The following PTPRD variants were observed in gnomAD, a reference collection of about 807,000 sequenced individuals.
The protein encoded by PTPRD is receptor-type tyrosine-protein phosphatase delta.
In PTPRD, 34 loss-of-function variants were observed where a neutral mutation model predicts 214.5. That is an observed-to-expected ratio of 0.16 (90% CI 0.12 to 0.21). The LOEUF is 0.21. Ranked by LOEUF, PTPRD falls within the 10% of genes least tolerant of loss-of-function variation. PTPRD has a pLI of 1.00. For missense variants in PTPRD, 2,545 were observed against 2,398.7 expected (o/e 1.06, Z -1.27); for synonymous variants, 1,128 against 845.7 (o/e 1.33, Z -5.79).
At chr9:9,786,130 T>G (rs2154493044) in intron 5 of PTPRD, among the ~76,000 whole-genome samples, 1 of 152,294 alleles carries the variant, frequency 6.6e-6, no homozygotes, top group African/African-American at 2.4e-5. Flanking sequence ...CCTAAAAATT[T>G]TTCATGTCTA....
chr9:9,882,297 C>T (rs2069006044), intron 5 of PTPRD, among the ~76,000 whole-genome samples: 1 of 152,030 alleles, frequency 6.6e-6, no homozygotes, highest in African/African-American at 2.4e-5. Flanking sequence ...TCACTAAGCA[C>T]TGAGTTGAAA....
chr9:9,209,673 T>G (rs912567251), intron 9 of PTPRD, among the ~76,000 whole-genome samples: 1 of 152,158 alleles, frequency 6.6e-6, no homozygotes, highest in Non-Finnish European at 1.5e-5. Context: ...GTTCATGAGT[T>G]GATTATTGTT....
chr9:10,165,231 A>G (rs2099152011), intron 3 of PTPRD, among the ~76,000 whole-genome samples: 1 of 151,710 alleles, frequency 6.6e-6, no homozygotes, highest in Non-Finnish European at 1.5e-5. Context: ...CTTGGAAGTA[A>G]CATCAAGTTA....
chr9:9,463,095 A>G (rs529504866), intron 8 of PTPRD, among the ~76,000 whole-genome samples: 1 of 151,474 alleles, frequency 6.6e-6, no homozygotes, highest in South Asian at 2.1e-4. Context: ...AAATAGGAAC[A>G]AAAGCCTTTG....
chr9:10,104,692 T>C (rs2098606179), intron 3 of PTPRD, among the ~76,000 whole-genome samples: 1 of 151,896 alleles, frequency 6.6e-6, no homozygotes, highest in African/African-American at 2.4e-5. Flanking sequence ...ACCAGCTTAA[T>C]TTGTGGATTT....
intron 14 of PTPRD, among the ~76,000 whole-genome samples, chr9:8,602,572 T>G (rs893819626): frequency 6.6e-6 from 1 of 152,214 alleles, no homozygotes; most frequent in Non-Finnish European, 1.5e-5. Context: ...GCAGCAGGAA[T>G]CAGCATGTTT....
At chr9:9,580,751 G>C (rs111721875) in intron 7 of PTPRD, among the ~76,000 whole-genome samples, 16 of 151,704 alleles carry the variant, frequency 1.1e-4, no homozygotes, top group Non-Finnish European at 2.1e-4. Flanking sequence ...CTTTCAGCAC[G>C]TTGGCCAGGG....
chr9:10,327,759 T>C lies in PTPRD; in HGVS notation c.-545+13204A>G, dbSNP rs142083335. 4.0e-3 allele frequency among the ~76,000 whole-genome samples: 611 copies of C among 151,846 alleles called. 5 individuals are homozygous for C. The highest frequency in any genetic ancestry group is 0.034 in the Middle Eastern group (10 of 294). On this transcript the variant is annotated intron_variant, in intron 3 of 45. Transcript: ENST00000381196. The stretch of plus-strand genomic sequence containing the variant: ...GAAAGTACAAAAAAGTGAATACTCA[T>C]TTTCCAGTCATTTACATCAGGACAA...
At chr9:10,272,174 G>A (rs991949076) in intron 3 of PTPRD, among the ~76,000 whole-genome samples, 1 of 151,920 alleles carries the variant, frequency 6.6e-6, no homozygotes, top group East Asian at 1.9e-4. Context: ...GGCCTATTTT[G>A]GATATTTCAC....
chr9:9,706,429 G>A lies in PTPRD; in HGVS notation c.-287+28104C>T, dbSNP rs76405974. 9.7e-3 allele frequency among the ~76,000 whole-genome samples: 1,466 copies of A among 151,062 alleles called. 23 individuals carry two copies. The highest frequency in any genetic ancestry group is 0.033 in the African/African-American group (1,378 of 41,224). On this transcript the variant is annotated intron_variant, in intron 7 of 45. Coordinates refer to ENST00000381196, the MANE Select transcript of PTPRD (RefSeq NM_002839.4). ...TTACAATATGTCATTGCACATCACC[G>A]TACTTTTGCTAACTCTTTTTTTTTT...
At chr9:9,582,410 G>C (rs146982834) in intron 7 of PTPRD, among the ~76,000 whole-genome samples, 13 of 152,134 alleles carry the variant, frequency 8.5e-5, no homozygotes, top group African/African-American at 3.1e-4. Flanking sequence ...CAACCTCTTT[G>C]TTTATCAGAC....
At chr9:8,825,631 C>A (rs902358929) in intron 11 of PTPRD, among the ~76,000 whole-genome samples, 1 of 152,052 alleles carries the variant, frequency 6.6e-6, no homozygotes, top group Non-Finnish European at 1.5e-5. Flanking sequence ...ATGGTGAGTT[C>A]GCAGTGTAAA....
At chr9:8,744,862 ATCTC>A (rs750418489) in intron 11 of PTPRD, among the ~76,000 whole-genome samples, 2 of 152,250 alleles carry the variant, frequency 1.3e-5, no homozygotes, top group African/African-American at 2.4e-5. Context: ...CTATTCCCAC[ATCTC>A]TCTAAGATAC....
chr9:9,982,136 G>A lies in PTPRD; in HGVS notation c.-471-43526C>T, dbSNP rs115056287. On this transcript the variant is annotated intron_variant, in intron 4 of 45. Coordinates refer to ENST00000381196, the MANE Select transcript of PTPRD (RefSeq NM_002839.4). ...ACATATGGTGAAGCACGGCTTCTAT[G>A]CTTCCTGTAATTCCGAAAGGGTTGC... Among the ~76,000 whole-genome samples, 913 of 152,256 alleles carry A rather than the reference G, an allele frequency of 6.0e-3. 11 individuals carry two copies. The highest frequency in any genetic ancestry group is 0.02 in the African/African-American group (820 of 41,540).
intron 3 of PTPRD, among the ~76,000 whole-genome samples, chr9:10,250,015 G>C (rs1348327384): frequency 6.9e-6 from 1 of 145,924 alleles, no homozygotes; most frequent in Non-Finnish European, 1.5e-5. Context: ...ACCTAAATCT[G>C]TCATAAATTT....
At chr9:9,315,452 G>T (rs140286937) in intron 9 of PTPRD, among the ~76,000 whole-genome samples, 1 of 151,930 alleles carries the variant, frequency 6.6e-6, no homozygotes, top group South Asian at 2.1e-4. Context: ...TTGTAGAAAA[G>T]GAATTTTAAG....
chr9:10,398,369 G>GTCTATA (rs1305963436), intron 2 of PTPRD, among the ~76,000 whole-genome samples: 7 of 151,504 alleles, frequency 4.6e-5, no homozygotes, highest in African/African-American at 1.7e-4. Context: ...CTACAGATAT[G>GTCTATA]TCTATATCTA....
chr9:10,309,534 T>G (rs2096204324), intron 3 of PTPRD, among the ~76,000 whole-genome samples: 1 of 150,828 alleles, frequency 6.6e-6, no homozygotes, highest in Non-Finnish European at 1.5e-5. Flanking sequence ...TTTTTTTTTT[T>G]TTGTATTTTT....
chr9:10,063,821 T>A (rs1590090177), intron 3 of PTPRD, among the ~76,000 whole-genome samples: 1 of 151,946 alleles, frequency 6.6e-6, no homozygotes, highest in East Asian at 1.9e-4. Flanking sequence ...CAGGTAGCAG[T>A]ACTGGGGAAA....
Sources: allele counts gnomAD v4.1 joint callset (sites outside exome capture counted in the v4.1 genomes callset), GRCh38; gene constraint gnomAD v4.1.1; transcripts MANE v1.5; gene names NCBI Gene and HGNC (gene_info 2026-07-23, HGNC 2026-07-21).